GSK3B: variants seen among roughly 807,000 people sequenced by gnomAD.
The protein encoded by GSK3B is glycogen synthase kinase 3 beta, also known as glycogen synthase kinase-3 beta.
GSK3B carries 15 observed loss-of-function variants against 56.4 expected under a neutral mutation model. The ratio of observed to expected loss-of-function variants is 0.27; its 90% CI spans 0.18 to 0.41. The LOEUF is 0.41. GSK3B is among the 10% of genes least tolerant of loss of function. The pLI is 1.00. For missense variants in GSK3B, 300 were observed against 513.4 expected, an observed-to-expected ratio of 0.58 and a Z score of 4.02; for synonymous variants, 181 against 188.9, an observed-to-expected ratio of 0.96 and a Z score of 0.34.
chr3:119,903,447 G>A (rs1227435080), intron 7 of GSK3B, among the ~76,000 whole-genome samples: 1 of 152,002 alleles, frequency 6.6e-6, no homozygotes, highest in Non-Finnish European at 1.5e-5. Flanking sequence ...TTTCAGAGTT[G>A]GCCTGCTACT....
intron 1 of GSK3B, among the ~76,000 whole-genome samples, chr3:120,012,515 T>C (rs796358215): frequency 5.3e-5 from 8 of 152,160 alleles, no homozygotes; most frequent in African/African-American, 1.9e-4. Context: ...TTCACTCACA[T>C]TGTACAAATT....
At chr3:119,962,120 A>C (rs2057277875) in intron 2 of GSK3B, among the ~76,000 whole-genome samples, 1 of 152,212 alleles carries the variant, frequency 6.6e-6, no homozygotes, top group African/African-American at 2.4e-5. Flanking sequence ...CCACCCCTGT[A>C]ATCTCAGCAC....
chr3:120,068,891 C>A (rs2058303493), intron 1 of GSK3B, among the ~76,000 whole-genome samples: 1 of 151,436 alleles, frequency 6.6e-6, no homozygotes, highest in Non-Finnish European at 1.5e-5. Flanking sequence ...AAAATAAAAA[C>A]CCCAAAATGG....
At chr3:119,898,090 C>T (rs775032248) in intron 7 of GSK3B, among the ~76,000 whole-genome samples, 3 of 152,114 alleles carry the variant, frequency 2.0e-5, no homozygotes, top group Admixed American at 6.6e-5. Context: ...ACAGCTCAGC[C>T]TAGACTACCC....
chr3:120,013,843 A>C (rs573952960), intron 1 of GSK3B, among the ~76,000 whole-genome samples: 1 of 141,764 alleles, frequency 7.1e-6, no homozygotes, highest in East Asian at 2.0e-4. Context: ...TATCCAAAGA[A>C]ACCACGTTTA....
chr3:120,034,626 T>C (rs2058007177), intron 1 of GSK3B, among the ~76,000 whole-genome samples: 1 of 152,242 alleles, frequency 6.6e-6, no homozygotes, highest in African/African-American at 2.4e-5. Flanking sequence ...ATTTTTAAAT[T>C]GAGAAATGTG....
intron 7 of GSK3B, among the ~76,000 whole-genome samples, chr3:119,876,824 A>C (rs2056320510): frequency 6.6e-6 from 1 of 152,124 alleles, no homozygotes; most frequent in Admixed American, 6.6e-5. Flanking sequence ...TTAGAAATGT[A>C]AGTTTGGCTC....
chr3:119,924,476 G>C (rs1259197769), intron 3 of GSK3B, among the ~76,000 whole-genome samples: 2 of 152,206 alleles, frequency 1.3e-5, no homozygotes, highest in Non-Finnish European at 2.9e-5. Flanking sequence ...AGTGGCCACA[G>C]CAGAGGAAAT....
chr3:119,942,288 C>T (rs2057057035), intron 3 of GSK3B, among the ~76,000 whole-genome samples: 1 of 151,926 alleles, frequency 6.6e-6, no homozygotes, highest in Admixed American at 6.6e-5. Flanking sequence ...AGACATAACA[C>T]AGTTTTTATT....
At chr3:119,942,991 C>A (rs1171291951) in intron 3 of GSK3B, among the ~76,000 whole-genome samples, 1 of 152,138 alleles carries the variant, frequency 6.6e-6, no homozygotes, top group Non-Finnish European at 1.5e-5. Context: ...ATTAATAATT[C>A]CAACCAGAAA....
intron 7 of GSK3B, among the ~76,000 whole-genome samples, chr3:119,879,337 C>T (rs1413274623): frequency 3.3e-5 from 5 of 152,134 alleles, no homozygotes; most frequent in Admixed American, 6.5e-5. Context: ...CCCACCACCA[C>T]GCCTGGCTAA....
intron 2 of GSK3B, among the ~76,000 whole-genome samples, chr3:119,994,674 G>C (rs1315015689): frequency 2.0e-5 from 3 of 152,022 alleles, no homozygotes; most frequent in Non-Finnish European, 4.4e-5. Context: ...TGAATATGCT[G>C]AACCTAATTA....
Position 120,000,918 on chromosome 3 carries a change from C to CTTTT in GSK3B, c.282+1124_282+1127dup, listed in dbSNP as rs71156781. Among the ~76,000 whole-genome samples, 117 of 91,044 alleles carry CTTTT rather than the reference C, an allele frequency of 1.3e-3. 6 individuals are homozygous for CTTTT. Among genetic ancestry groups the CTTTT allele is most frequent in the African/African-American group, 3.6e-3 (85 of 23,300 alleles). 59.7% of individuals were successfully genotyped at this position (91,044 alleles called of 152,430 possible). A position where few individuals can be genotyped will look rare whatever the true frequency, so the allele number is the denominator to read the frequency against. ...AAACCTCATGTTGAAATGTAATCTC[C>CTTTT]TTTTTTTTTTTTTTTTTTTTTTTTG... On this transcript the variant is annotated intron_variant, in intron 2 of 10. Transcript: ENST00000264235.
chr3:119,826,685 ATTTT>A lies in GSK3B; in HGVS notation c.*99_*102del, dbSNP rs746458626. On this transcript the variant is annotated 3_prime_UTR_variant, in exon 11 of 11. Transcript: ENST00000264235. ...AAAATTGAACACTAAAATGAACAGG[ATTTT>A]TTTCTCTTTTTAATATTCTTTCCAA... 2.5e-6 allele frequency: 2 copies of A among 788,486 alleles called. No individual in the cohort carries two copies. The highest frequency in any genetic ancestry group is 3.8e-5 in the Admixed American group (2 of 53,248). 48.8% of individuals were successfully genotyped at this position (788,486 alleles called of 1,614,324 possible). A position where few individuals can be genotyped will look rare whatever the true frequency, so the allele number is the denominator to read the frequency against.
At chr3:119,859,763 C>T (rs2056074313) in intron 9 of GSK3B, among the ~76,000 whole-genome samples, 1 of 151,962 alleles carries the variant, frequency 6.6e-6, no homozygotes. Flanking sequence ...GATACTCTTA[C>T]CCCCCGCCCC....
intron 6 of GSK3B, among the ~76,000 whole-genome samples, chr3:119,906,993 A>G (rs2056688938): frequency 6.6e-6 from 1 of 152,116 alleles, no homozygotes; most frequent in Non-Finnish European, 1.5e-5. Context: ...CAAGACATCT[A>G]TTCTGCAAAT....
At chr3:120,032,733 T>C (rs1250721251) in intron 1 of GSK3B, among the ~76,000 whole-genome samples, 1 of 152,216 alleles carries the variant, frequency 6.6e-6, no homozygotes, top group Non-Finnish European at 1.5e-5. Flanking sequence ...ATCTACACCA[T>C]CCATTTGGCA....
intron 1 of GSK3B, among the ~76,000 whole-genome samples, chr3:120,019,009 T>C (rs768300745): frequency 3.5e-4 from 53 of 152,140 alleles, no homozygotes; most frequent in African/African-American, 9.6e-4. Context: ...ATTTTGGAAA[T>C]TGAAAAAGGA....
chr3:119,993,754 TAGAA>T (rs568726910), intron 2 of GSK3B, among the ~76,000 whole-genome samples: 10 of 152,056 alleles, frequency 6.6e-5, no homozygotes, highest in African/African-American at 2.4e-4. Context: ...TAATTTTTAA[TAGAA>T]AGAAATACAG....
Sources: allele counts gnomAD v4.1 joint callset (sites outside exome capture counted in the v4.1 genomes callset), GRCh38; gene constraint gnomAD v4.1.1; transcripts MANE v1.5; gene names NCBI Gene and HGNC (gene_info 2026-07-23, HGNC 2026-07-21).